ZDHHC11B: variants seen among roughly 807,000 people sequenced by gnomAD.
ZDHHC11B encodes the protein probable palmitoyltransferase ZDHHC11B.
Under a neutral mutation model 42.3 loss-of-function variants are expected in ZDHHC11B, and 17 were observed. The observed-to-expected ratio is 0.40, with a 90% CI of 0.27 to 0.60. The LOEUF is 0.60. Among genes scored for constraint, ZDHHC11B ranks in the 20% least tolerant of loss-of-function variants. ZDHHC11B has a pLI of 0.41. For missense variants in ZDHHC11B, 262 were observed against 463.2 expected, an observed-to-expected ratio of 0.57 and a Z score of 3.99; for synonymous variants, 123 against 193.5, an observed-to-expected ratio of 0.64 and a Z score of 3.02.
intron 4 of ZDHHC11B, among the ~76,000 whole-genome samples, chr5:765,737 G>A (rs544752493): frequency 2.0e-5 from 3 of 151,868 alleles, no homozygotes; most frequent in Non-Finnish European, 2.9e-5. Context: ...CTTCATTCCT[G>A]AACCAGGGAT....
At chr5:733,355 G>A (rs1191874958) in intron 11 of ZDHHC11B, among the ~76,000 whole-genome samples, 1 of 151,818 alleles carries the variant, frequency 6.6e-6, no homozygotes, top group Admixed American at 6.6e-5. Context: ...TCCTTCCTGA[G>A]CATTTTATTT....
At chr5:742,868 G>A (rs1290125464) in intron 9 of ZDHHC11B, among the ~76,000 whole-genome samples, 1 of 148,588 alleles carries the variant, frequency 6.7e-6, no homozygotes, top group Non-Finnish European at 1.5e-5. Context: ...TTCTTTAATA[G>A]GCAGTGATTT....
At chr5:757,816 C>G (rs1307823992) in intron 4 of ZDHHC11B, among the ~76,000 whole-genome samples, 1 of 151,780 alleles carries the variant, frequency 6.6e-6, no homozygotes, top group African/African-American at 2.4e-5. Context: ...GAGCTGCTGC[C>G]CAGGCCGGGG....
intron 9 of ZDHHC11B, among the ~76,000 whole-genome samples, chr5:742,765 A>G (rs191736976): frequency 0.019 from 2,896 of 148,828 alleles, 94 homozygotes; most frequent in African/African-American, 0.068. Context: ...AACCTGCAGT[A>G]TCTCTCATGT....
At chr5:746,277 A>C (rs1304452060) in intron 8 of ZDHHC11B, among the ~76,000 whole-genome samples, 1 of 146,204 alleles carries the variant, frequency 6.8e-6, no homozygotes, top group African/African-American at 2.5e-5. Context: ...TGAGGAGCAG[A>C]TGGCGGTGGG....
In ZDHHC11B at chr5:725,248, G is replaced by GGT. The variant is rs1561119574; in HGVS notation, c.1058+5185_1058+5186insAC. ...GCTCTCATCAGACACCGGATCTGCCGGCGCCTTGAGCTGGGACTTCCCCTG... is the reference window on the plus strand; with the variant it reads ...GCTCTCATCAGACACCGGATCTGCCGGTGCGCCTTGAGCTGGGACTTCCCCTG... On this transcript the variant is annotated intron_variant, in intron 12 of 13. Coordinates refer to ENST00000508859, the MANE Select transcript of ZDHHC11B (RefSeq NM_001351303.2). Among the ~76,000 whole-genome samples, 13 of 136,978 alleles carry GGT rather than the reference G, an allele frequency of 9.5e-5. 1 individual carries two copies. Among genetic ancestry groups the GGT allele is most frequent in the East Asian group, 6.1e-4 (3 of 4,936 alleles). The allele number at this position is 136,978 out of a possible 152,430, so 89.9% of individuals were successfully genotyped here. A position where few individuals can be genotyped will look rare whatever the true frequency, so the allele number is the denominator to read the frequency against.
chr5:778,680 C>T (rs372086594), intron 1 of ZDHHC11B, among the ~76,000 whole-genome samples: 284 of 152,180 alleles, frequency 1.9e-3, no homozygotes, highest in South Asian at 0.012. Flanking sequence ...CCTGTGAACG[C>T]GACCTTGTTT....
chr5:722,056 A>G (rs1426462720), intron 12 of ZDHHC11B, among the ~76,000 whole-genome samples: 6 of 151,746 alleles, frequency 4.0e-5, no homozygotes, highest in Non-Finnish European at 8.8e-5. Flanking sequence ...CACACCATAC[A>G]CTGAAATCAA....
rs1199869043 is a variant in ZDHHC11B at position 752,069 on chromosome 5, C to T, written c.504-812G>A. ...AGGCCTCCCTACCAGCCAAGGAGCA[C>T]GCAGGCTGGGTCCCCTCAGGGGGCC... On this transcript the variant is annotated intron_variant, in intron 6 of 13. Transcript: ENST00000508859. Among the ~76,000 whole-genome samples, 9 of 125,072 alleles carry T rather than the reference C, an allele frequency of 7.2e-5. 1 individual carries two copies. Among genetic ancestry groups the T allele is most frequent in the African/African-American group, 1.5e-4 (6 of 38,848 alleles). 82.1% of individuals were successfully genotyped at this position (125,072 alleles called of 152,430 possible). A position where few individuals can be genotyped will look rare whatever the true frequency, so the allele number is the denominator to read the frequency against.
At chr5:750,361 C>T (rs1355186828) in intron 7 of ZDHHC11B, among the ~76,000 whole-genome samples, 1 of 135,714 alleles carries the variant, frequency 7.4e-6, no homozygotes, top group Non-Finnish European at 1.6e-5. Context: ...TCTGCGAGCT[C>T]CTGTGGCTCC....
chr5:776,589 C>T (rs1475369888), intron 1 of ZDHHC11B, among the ~76,000 whole-genome samples: 2 of 151,818 alleles, frequency 1.3e-5, no homozygotes, highest in Non-Finnish European at 2.9e-5. Flanking sequence ...AGCTCGAGAC[C>T]CTCGCTGGTG....
intron 4 of ZDHHC11B, among the ~76,000 whole-genome samples, chr5:764,200 G>C (rs1294531796): frequency 6.6e-6 from 1 of 151,952 alleles, no homozygotes; most frequent in Non-Finnish European, 1.5e-5. Context: ...ACCACGCAGT[G>C]GTGTTGAGAG....
Position 737,926 on chromosome 5 carries a change from G to A in ZDHHC11B, c.935+3668C>T, listed in dbSNP as rs1439215400. On this transcript the variant is annotated intron_variant, in intron 10 of 13. Coordinates refer to ENST00000508859, the MANE Select transcript of ZDHHC11B (RefSeq NM_001351303.2). ...ATGCCCACTTTCACCACTTCCTTTC[G>A]ACACAGTACTGGAAGATCTAGCCAG... is the stretch of plus-strand genomic sequence containing the variant. Among the ~76,000 whole-genome samples, 109 of 131,772 alleles carry A rather than the reference G, an allele frequency of 8.3e-4. 3 individuals are homozygous for A. Among genetic ancestry groups the A allele is most frequent in the African/African-American group, 3.0e-3 (104 of 35,030 alleles). 86.4% of individuals were successfully genotyped at this position (131,772 alleles called of 152,430 possible).
intron 9 of ZDHHC11B, among the ~76,000 whole-genome samples, chr5:742,954 T>G (rs867175252): frequency 6.7e-6 from 1 of 149,700 alleles, no homozygotes; most frequent in Non-Finnish European, 1.5e-5. Flanking sequence ...TCTAGAAGTG[T>G]TCTATGTTCA....
At chr5:723,450 A>G (rs1224555570) in intron 12 of ZDHHC11B, among the ~76,000 whole-genome samples, 1 of 122,790 alleles carries the variant, frequency 8.1e-6, no homozygotes, top group Non-Finnish European at 1.8e-5. Context: ...CAGCATCTCC[A>G]CACTGGCCCA....
intron 4 of ZDHHC11B, among the ~76,000 whole-genome samples, chr5:760,017 G>A (rs1343456102): frequency 6.6e-6 from 1 of 151,888 alleles, no homozygotes; most frequent in Non-Finnish European, 1.5e-5. Flanking sequence ...CATGGACAAG[G>A]GCTGGGGCAC....
chr5:771,571 G>C (rs1366824009), intron 1 of ZDHHC11B, among the ~76,000 whole-genome samples: 2 of 151,638 alleles, frequency 1.3e-5, no homozygotes, highest in East Asian at 1.9e-4. Context: ...GTCAGGTGTC[G>C]AGCCAGGAAC....
chr5:760,943 C>T (rs1369186397), intron 4 of ZDHHC11B, among the ~76,000 whole-genome samples: 1 of 151,508 alleles, frequency 6.6e-6, no homozygotes, highest in African/African-American at 2.4e-5. Flanking sequence ...CACAGACCCC[C>T]AGGTGGTGGA....
At chr5:773,946 A>G (rs1396348695) in intron 1 of ZDHHC11B, among the ~76,000 whole-genome samples, 2 of 151,932 alleles carry the variant, frequency 1.3e-5, no homozygotes, top group African/African-American at 2.4e-5. Context: ...AAGAGGACAG[A>G]AGATGAGGGC....
Sources: allele counts gnomAD v4.1 joint callset (sites outside exome capture counted in the v4.1 genomes callset), GRCh38; gene constraint gnomAD v4.1.1; transcripts MANE v1.5; gene names NCBI Gene and HGNC (gene_info 2026-07-23, HGNC 2026-07-21).